SFI1: variants seen among roughly 807,000 people sequenced by gnomAD.
The protein encoded by SFI1 is SFI1 centrin binding protein, also known as protein SFI1 homolog.
A neutral mutation model predicts 207.5 loss-of-function variants in SFI1; 195 were observed. That is an observed-to-expected ratio of 0.94 (90% confidence interval 0.84 to 1.06). The LOEUF (loss-of-function observed/expected upper bound fraction) is 1.06, where lower values mean the gene tolerates loss of function less well. SFI1 is among the 50% of genes least tolerant of loss of function. The pLI is 0.00. For missense variants in SFI1, 1,634 were observed against 1,588.0 expected (o/e 1.03, Z -0.49); for synonymous variants, 630 against 598.9 (o/e 1.05, Z -0.76).
intron 8 of SFI1, among the ~76,000 whole-genome samples, chr22:31,565,347 A>T (rs561711606): frequency 6.6e-6 from 1 of 152,124 alleles, no homozygotes; most frequent in Admixed American, 6.6e-5. Flanking sequence ...TGGCAGGATG[A>T]TCACTTGAGG....
chr22:31,542,116 A>AAG (rs1303557896), intron 4 of SFI1, among the ~76,000 whole-genome samples: 7 of 150,406 alleles, frequency 4.7e-5, no homozygotes, highest in Non-Finnish European at 4.4e-5. Context: ...AAAAAAAAAA[A>AAG]AAAAGAAATG....
At chr22:31,509,628 A>G (rs984379279) in intron 2 of SFI1, among the ~76,000 whole-genome samples, 11 of 152,154 alleles carry the variant, frequency 7.2e-5, no homozygotes, top group African/African-American at 2.7e-4. Context: ...TCAAATGTTA[A>G]TATCTTCTGG....
At chr22:31,615,533 G>A (rs543040885) in intron 29 of SFI1, 4 of 396,594 alleles carry the variant, frequency 1.0e-5, no homozygotes, top group African/African-American at 6.2e-5. Context: ...CTGCCTGCAG[G>A]CCAGTAAAGT....
intron 22 of SFI1, among the ~76,000 whole-genome samples, chr22:31,608,309 C>T (rs2069427940): frequency 6.6e-6 from 1 of 152,186 alleles, no homozygotes; most frequent in African/African-American, 2.4e-5. Context: ...TTGTTTCTTG[C>T]TTGTCATGGC....
At chr22:31,499,951 C>T (rs1440595803) in intron 1 of SFI1, among the ~76,000 whole-genome samples, 1 of 144,414 alleles carries the variant, frequency 6.9e-6, no homozygotes, top group Non-Finnish European at 1.5e-5. Flanking sequence ...AACCACTGTG[C>T]TCCAGCCTGG....
chr22:31,541,611 A>T (rs1372272435), intron 4 of SFI1, among the ~76,000 whole-genome samples: 1 of 151,638 alleles, frequency 6.6e-6, no homozygotes, highest in Non-Finnish European at 1.5e-5. Flanking sequence ...AAAATTAGCC[A>T]GGTGTGCCTG....
chr22:31,614,579 T>G (rs1295685971), intron 27 of SFI1: 1 of 701,600 alleles, frequency 1.4e-6, no homozygotes, highest in Non-Finnish European at 2.6e-6. Flanking sequence ...AAAGAGACAA[T>G]GTGGGTGAAG....
chr22:31,510,980 G>A (rs1206842575), intron 2 of SFI1, among the ~76,000 whole-genome samples: 3 of 151,968 alleles, frequency 2.0e-5, no homozygotes, highest in Non-Finnish European at 2.9e-5. Flanking sequence ...TTATGGTTAC[G>A]CTCTTTTTTT....
At chr22:31,543,831 A>G (rs1037413503) in intron 4 of SFI1, among the ~76,000 whole-genome samples, 34 of 151,792 alleles carry the variant, frequency 2.2e-4, no homozygotes, top group African/African-American at 7.7e-4. Context: ...AAAAAGAAAA[A>G]AAACTATGAG....
intron 28 of SFI1, 23 bp from the exon 29 acceptor site, chr22:31,615,025 G>C (rs1377325496): frequency 1.2e-6 from 2 of 1,609,964 alleles, no homozygotes; most frequent in East Asian, 4.5e-5. Context: ...GCCTGACCAG[G>C]CTCTTGCCTT....
intron 8 of SFI1, among the ~76,000 whole-genome samples, chr22:31,572,185 T>G (rs536599906): frequency 3.8e-4 from 58 of 152,238 alleles, no homozygotes; most frequent in African/African-American, 1.3e-3. Flanking sequence ...TGCTTTTATT[T>G]TCTTAGTGAA....
intron 2 of SFI1, among the ~76,000 whole-genome samples, chr22:31,513,929 T>C (rs983516567): frequency 1.3e-5 from 2 of 150,136 alleles, no homozygotes; most frequent in African/African-American, 2.4e-5. Context: ...AGGTCAGGAG[T>C]TGGAGACCAG....
At chr22:31,556,909 A>G (rs537774511) in intron 6 of SFI1, 33 bp from the exon 7 acceptor site, 7 of 1,467,850 alleles carry the variant, frequency 4.8e-6, no homozygotes, top group African/African-American at 2.8e-5. Context: ...ATCTCTCCCC[A>G]TGCCTTTTGA....
Position 31,611,863 on chromosome 22 carries a change from C to T in SFI1, c.2490+23C>T, listed in dbSNP as rs772343229. On this transcript the variant is annotated intron_variant, in intron 24 of 32. Coordinates refer to ENST00000400288, the MANE Select transcript of SFI1 (RefSeq NM_001007467.3). ...CAGGTGGGAACCCAGGAGATGTCCC[C>T]TCTGCACTTCCTTCTCCATCCTCTG... 4.3e-6 allele frequency: 7 copies of T among 1,612,942 alleles called. No individual in the cohort carries two copies. The South Asian group carries it at 4.4e-5, about 10-fold the overall frequency.
intron 8 of SFI1, among the ~76,000 whole-genome samples, chr22:31,570,237 A>C (rs1490657778): frequency 6.6e-6 from 1 of 152,222 alleles, no homozygotes; most frequent in Non-Finnish European, 1.5e-5. Flanking sequence ...AAAGATGATA[A>C]GAAGACGGTG....
At chr22:31,576,247 A>G (rs1011187576) in intron 10 of SFI1, among the ~76,000 whole-genome samples, 1 of 150,354 alleles carries the variant, frequency 6.7e-6, no homozygotes, top group Non-Finnish European at 1.5e-5. Flanking sequence ...CTGGTCTCGA[A>G]CTCTTGACTT....
At position 31,573,214 on chromosome 22, in the gene SFI1, G is replaced by C. The variant is rs1569347335; in HGVS notation, c.922G>C (p.Glu308Gln). 2 of 1,613,692 alleles carry C rather than the reference G, an allele frequency of 1.2e-6. No individual in the cohort carries two copies. The highest frequency in any genetic ancestry group is 3.3e-5 in the Admixed American group (2 of 59,954). ...QVRRVKRQQNEMAERFHHVTV... is the reference protein window; with the variant it reads ...QVRRVKRQQNQMAERFHHVTV... Reference sequence around the variant, plus strand: ...CCGCAGAGTGAAGAGACAGCAGAATGGTGAGTAGGAAGCTCCAGGCTCTCG... The same window carrying C: ...CCGCAGAGTGAAGAGACAGCAGAATCGTGAGTAGGAAGCTCCAGGCTCTCG... The change falls in exon 9 of 33, where the codon GAG (glutamate) becomes CAG (glutamine). Residue 308 changes from glutamate to glutamine, a missense_variant and splice_region_variant. Transcript: ENST00000400288.
At chr22:31,553,124 T>C (rs758868509) in intron 6 of SFI1, among the ~76,000 whole-genome samples, 5 of 152,174 alleles carry the variant, frequency 3.3e-5, no homozygotes, top group Non-Finnish European at 5.9e-5. Flanking sequence ...ATTACAAGCA[T>C]AAGCCACTGC....
In SFI1 at chr22:31,618,219, T is replaced by A. The variant is rs543751170; in HGVS notation, c.3617T>A (p.Leu1206Gln). ...QEVEQQVQKE[L>Q]EQVEMQIQLL... ...GTAGAGCAGCAGGTGCAGAAAGAGC[T>A]GGAACAGGTGAGGCCCCAGGCCATC... Residue 1206 changes from leucine to glutamine, a missense_variant, in exon 32 of 33, where the codon CTG becomes CAG. Coordinates refer to ENST00000400288, the MANE Select transcript of SFI1 (RefSeq NM_001007467.3). 3.1e-6 allele frequency: 5 copies of A among 1,596,078 alleles called. No homozygotes were observed. The highest frequency in any genetic ancestry group is 2.3e-5 in the East Asian group (1 of 44,224).
Sources: allele counts gnomAD v4.1 joint callset (sites outside exome capture counted in the v4.1 genomes callset), GRCh38; gene constraint gnomAD v4.1.1; transcripts MANE v1.5; gene names NCBI Gene and HGNC (gene_info 2026-07-23, HGNC 2026-07-21).